CDKAL1: variants seen among roughly 807,000 people sequenced by gnomAD.
The protein encoded by CDKAL1 is threonylcarbamoyladenosine tRNA methylthiotransferase.
CDKAL1 carries 32 observed loss-of-function variants against 68.2 expected under a neutral mutation model. That is an observed-to-expected ratio of 0.47 (90% CI 0.35 to 0.63). The LOEUF is 0.63. CDKAL1 is among the 30% of genes least tolerant of loss of function. The pLI, the probability that CDKAL1 is intolerant of heterozygous loss-of-function variation, is 0.00. For synonymous variants in CDKAL1, 234 were observed against 244.3 expected (o/e 0.96, Z 0.39); for missense variants, 606 against 696.7 (o/e 0.87, Z 1.47).
rs1775727954 is a variant in CDKAL1 at position 21,138,410 on chromosome 6, T to A, written c.1299+29947T>A. Reference sequence around the variant, plus strand: ...GTGCTAAAACATCTAGGCAGCATGCTGTATATCAGAAAGAGTAAGTGCTTT... The same window carrying A: ...GTGCTAAAACATCTAGGCAGCATGCAGTATATCAGAAAGAGTAAGTGCTTT... On this transcript the variant is annotated intron_variant, in intron 13 of 15. Transcript: ENST00000274695. Among the ~76,000 whole-genome samples the A allele has an allele frequency of 3.3e-5, 5 of 152,356 alleles. No individual in the cohort carries two copies. In the South Asian group the frequency reaches 1.0e-3, roughly 32 times the overall value.
chr6:20,944,697 C>G (rs1443345653), intron 9 of CDKAL1, among the ~76,000 whole-genome samples: 1 of 152,216 alleles, frequency 6.6e-6, no homozygotes, highest in Non-Finnish European at 1.5e-5. Flanking sequence ...ACAGTTTGTA[C>G]TGGATATTAC....
At chr6:20,808,749 A>T (rs751667333) in intron 8 of CDKAL1, among the ~76,000 whole-genome samples, 8 of 151,988 alleles carry the variant, frequency 5.3e-5, no homozygotes, top group Non-Finnish European at 1.2e-4. Context: ...GAAAATATGG[A>T]TGCTATTTTG....
intron 9 of CDKAL1, among the ~76,000 whole-genome samples, chr6:20,952,472 A>C (rs1764581877): frequency 6.6e-6 from 1 of 152,192 alleles, no homozygotes; most frequent in Non-Finnish European, 1.5e-5. Flanking sequence ...CCAGGACGTT[A>C]GTCAGTGTCC....
intron 10 of CDKAL1, among the ~76,000 whole-genome samples, chr6:20,988,182 ATGTG>A (rs58720900): frequency 0.011 from 1,568 of 137,484 alleles, 26 homozygotes; most frequent in African/African-American, 0.039. Context: ...GAAACATAAT[ATGTG>A]TGTGTGTGTG....
Position 21,024,046 on chromosome 6 carries a change from G to A in CDKAL1, c.1055+23674G>A, listed in dbSNP as rs190708447. On this transcript the variant is annotated intron_variant, in intron 11 of 15. Transcript: ENST00000274695. Reference sequence around the variant, plus strand: ...TTTGTAAATAAATATATGATAGAGAGTAAAATAATGAAAGATTTTGGCAAT... The same window carrying A: ...TTTGTAAATAAATATATGATAGAGAATAAAATAATGAAAGATTTTGGCAAT... Among the ~76,000 whole-genome samples, 21 of 152,112 alleles carry A rather than the reference G, an allele frequency of 1.4e-4. No homozygotes were observed. In the East Asian group the frequency reaches 3.9e-3, roughly 28 times the overall value.
At chr6:20,982,251 A>G (rs1766194802) in intron 10 of CDKAL1, among the ~76,000 whole-genome samples, 3 of 151,848 alleles carry the variant, frequency 2.0e-5, no homozygotes, top group Admixed American at 2.0e-4. Flanking sequence ...TGGAGACAGA[A>G]TTTCACCATG....
chr6:21,031,704 G>C (rs1182789366), intron 11 of CDKAL1, among the ~76,000 whole-genome samples: 1 of 152,096 alleles, frequency 6.6e-6, no homozygotes, highest in Non-Finnish European at 1.5e-5. Flanking sequence ...TAACTGGCTT[G>C]TAAGTCTGCC....
intron 9 of CDKAL1, among the ~76,000 whole-genome samples, chr6:20,854,470 A>G (rs889375276): frequency 6.6e-6 from 1 of 152,224 alleles, no homozygotes; most frequent in Non-Finnish European, 1.5e-5. Flanking sequence ...TATTTCTGCT[A>G]ATAGGCACAT....
chr6:21,119,023 G>A (rs1582236748), intron 13 of CDKAL1, among the ~76,000 whole-genome samples: 1 of 151,970 alleles, frequency 6.6e-6, no homozygotes, highest in Non-Finnish European at 1.5e-5. Context: ...AATTCTTATG[G>A]ACACTTTCAT....
intron 15 of CDKAL1, among the ~76,000 whole-genome samples, chr6:21,201,515 G>A (rs975426333): frequency 1.3e-5 from 2 of 152,190 alleles, no homozygotes; most frequent in Non-Finnish European, 2.9e-5. Context: ...TAGAAGCAGG[G>A]GGTAAAAGCC....
chr6:20,846,039 A>C (rs1223254755), intron 8 of CDKAL1, 36 bp from the exon 9 acceptor site: 3 of 1,353,208 alleles, frequency 2.2e-6, no homozygotes, highest in Non-Finnish European at 3.1e-6. Context: ...CTATCTTTAG[A>C]AATTTGAGTC....
At chr6:20,879,416 C>A (rs1255092537) in intron 9 of CDKAL1, among the ~76,000 whole-genome samples, 2 of 152,240 alleles carry the variant, frequency 1.3e-5, no homozygotes, top group African/African-American at 4.8e-5. Flanking sequence ...TATATAATAT[C>A]TCCCGCCTGT....
intron 4 of CDKAL1, among the ~76,000 whole-genome samples, chr6:20,632,894 C>G (rs2127743151): frequency 6.6e-6 from 1 of 152,142 alleles, no homozygotes; most frequent in Middle Eastern, 3.4e-3. Context: ...GAGAAAGCTT[C>G]CTGGGGGAGG....
At chr6:21,092,113 C>G (rs1338659363) in intron 12 of CDKAL1, among the ~76,000 whole-genome samples, 1 of 150,638 alleles carries the variant, frequency 6.6e-6, no homozygotes, top group East Asian at 2.0e-4. Flanking sequence ...GTCTCGATCT[C>G]CTGACCTCGT....
At chr6:20,799,331 C>A (rs1484352112) in intron 8 of CDKAL1, among the ~76,000 whole-genome samples, 1 of 151,964 alleles carries the variant, frequency 6.6e-6, no homozygotes, top group Non-Finnish European at 1.5e-5. Context: ...GGATTACAGG[C>A]GTGAGCCACC....
intron 5 of CDKAL1, among the ~76,000 whole-genome samples, chr6:20,673,822 C>T (rs903575291): frequency 2.0e-5 from 3 of 152,212 alleles, no homozygotes; most frequent in Non-Finnish European, 4.4e-5. Flanking sequence ...GAGGTCTCCC[C>T]AGCCACATGG....
chr6:20,764,331 G>C (rs1212188100), intron 7 of CDKAL1, among the ~76,000 whole-genome samples: 1 of 152,058 alleles, frequency 6.6e-6, no homozygotes, highest in African/African-American at 2.4e-5. Flanking sequence ...ATGTTTGCTG[G>C]TATTTCTTTC....
chr6:20,658,415 A>G (rs1168109427), intron 5 of CDKAL1, among the ~76,000 whole-genome samples: 1 of 152,232 alleles, frequency 6.6e-6, no homozygotes, highest in Non-Finnish European at 1.5e-5. Flanking sequence ...TTGAAAATAA[A>G]GGCAGAACTG....
At chr6:20,740,575 A>G (rs796971877) in intron 6 of CDKAL1, among the ~76,000 whole-genome samples, 52 of 152,298 alleles carry the variant, frequency 3.4e-4, no homozygotes, top group African/African-American at 1.2e-3. Flanking sequence ...ATATGTAAAA[A>G]CATCATATGC....
Sources: allele counts gnomAD v4.1 joint callset (sites outside exome capture counted in the v4.1 genomes callset), GRCh38; gene constraint gnomAD v4.1.1; transcripts MANE v1.5; gene names NCBI Gene and HGNC (gene_info 2026-07-23, HGNC 2026-07-21).